The following MAD1L1 variants were observed in gnomAD, a reference collection of about 807,000 sequenced individuals.
MAD1L1 encodes the protein mitotic spindle assembly checkpoint protein MAD1.
A neutral mutation model predicts 96.9 loss-of-function variants in MAD1L1; 95 were observed. That is an observed-to-expected ratio of 0.98 (90% CI 0.83 to 1.16). MAD1L1 has a LOEUF of 1.16. Ranked by LOEUF, MAD1L1 falls within the 50% of genes most tolerant of loss-of-function variation. The pLI is 0.00. For synonymous variants in MAD1L1, 473 were observed against 396.6 expected (o/e 1.19, Z -2.29); for missense variants, 1,007 against 954.4 (o/e 1.06, Z -0.73).
At chr7:2,191,249 C>T (rs983100421) in intron 10 of MAD1L1, among the ~76,000 whole-genome samples, 1 of 152,108 alleles carries the variant, frequency 6.6e-6, no homozygotes, top group South Asian at 2.1e-4. Flanking sequence ...AGGGCAAGTA[C>T]GCTGGGAGCC....
intron 12 of MAD1L1, among the ~76,000 whole-genome samples, chr7:2,067,627 ACCGCAGTGGTCAGCCCGCG>A (rs1784939488): frequency 6.6e-6 from 1 of 151,846 alleles, no homozygotes; most frequent in African/African-American, 2.4e-5. Context: ...AGCCCGAACC[ACCGCAGTGGTCAGCCCGCG>A]TGCTGTGGCC....
intron 13 of MAD1L1, among the ~76,000 whole-genome samples, chr7:2,013,529 C>A (rs747354588): frequency 6.6e-6 from 1 of 152,230 alleles, no homozygotes; most frequent in South Asian, 2.1e-4. Flanking sequence ...GAGCGAAATT[C>A]GGATCACAAC....
chr7:2,163,665 A>G (rs1790275783), intron 10 of MAD1L1, among the ~76,000 whole-genome samples: 1 of 152,122 alleles, frequency 6.6e-6, no homozygotes, highest in Non-Finnish European at 1.5e-5. Flanking sequence ...GAGCCACAGA[A>G]GCACACTTTT....
intron 15 of MAD1L1, among the ~76,000 whole-genome samples, chr7:1,967,759 C>A (rs543141067): frequency 1.3e-5 from 2 of 152,350 alleles, no homozygotes; most frequent in South Asian, 4.1e-4. Flanking sequence ...CAGGGCGCGG[C>A]CGGCCGCGGG....
intron 18 of MAD1L1, among the ~76,000 whole-genome samples, chr7:1,891,158 G>A (rs1562495633): frequency 6.6e-6 from 1 of 152,232 alleles, no homozygotes. Flanking sequence ...TTCTTCCCAG[G>A]AAGGCTGCTA....
At chr7:2,162,499 C>T (rs1034062739) in intron 10 of MAD1L1, among the ~76,000 whole-genome samples, 3 of 151,840 alleles carry the variant, frequency 2.0e-5, no homozygotes, top group Admixed American at 6.6e-5. Context: ...CCTTTGTTCA[C>T]GTGTTTATCT....
chr7:2,076,207 G>C (rs369681061), intron 11 of MAD1L1, among the ~76,000 whole-genome samples: 16 of 152,336 alleles, frequency 1.1e-4, no homozygotes, highest in African/African-American at 3.8e-4. Context: ...CACGTTTTGG[G>C]CAGTGCACAG....
chr7:2,141,997 G>A (rs536987078), intron 11 of MAD1L1, among the ~76,000 whole-genome samples: 132 of 152,336 alleles, frequency 8.7e-4, no homozygotes, highest in Non-Finnish European at 1.4e-3. Context: ...ACAGCCGTGA[G>A]CACAGAATGG....
intron 15 of MAD1L1, among the ~76,000 whole-genome samples, chr7:1,962,385 G>T (rs1458768566): frequency 6.6e-6 from 1 of 152,122 alleles, no homozygotes; most frequent in Admixed American, 6.5e-5. Context: ...CTCAGTCCGG[G>T]TATGTCTTTA....
intron 17 of MAD1L1, among the ~76,000 whole-genome samples, chr7:1,905,588 G>A (rs576868635): frequency 3.3e-5 from 5 of 152,226 alleles, no homozygotes; most frequent in East Asian, 3.9e-4. Flanking sequence ...TCCAGGCAGC[G>A]AGGACGCAGT....
At chr7:2,154,118 T>C (rs1789709258) in intron 10 of MAD1L1, among the ~76,000 whole-genome samples, 1 of 152,098 alleles carries the variant, frequency 6.6e-6, no homozygotes, top group Non-Finnish European at 1.5e-5. Flanking sequence ...ATGACGCCAC[T>C]GCACTCCAGC....
intron 17 of MAD1L1, among the ~76,000 whole-genome samples, chr7:1,902,521 C>T (rs557391199): frequency 1.1e-4 from 16 of 152,320 alleles, no homozygotes; most frequent in South Asian, 2.1e-4. Context: ...ACGGGGCACA[C>T]GCAGATGAGA....
At chr7:2,112,454 G>A (rs916193574) in intron 11 of MAD1L1, among the ~76,000 whole-genome samples, 16 of 152,222 alleles carry the variant, frequency 1.1e-4, no homozygotes, top group African/African-American at 3.9e-4. Flanking sequence ...CACTGGGAAC[G>A]GTAGGCCAAG....
intron 17 of MAD1L1, among the ~76,000 whole-genome samples, chr7:1,906,798 G>C (rs560569184): frequency 4.6e-5 from 7 of 152,224 alleles, no homozygotes; most frequent in African/African-American, 1.7e-4. Flanking sequence ...ACAGACCTGA[G>C]CTCCTGCCCC....
At chr7:2,010,900 T>A (rs10950508) in intron 13 of MAD1L1, among the ~76,000 whole-genome samples, 2 of 152,160 alleles carry the variant, frequency 1.3e-5, no homozygotes, top group African/African-American at 2.4e-5. Context: ...GGAGTGTGAG[T>A]GGGGGACAGA....
chr7:1,989,777 C>T (rs1781324054), intron 14 of MAD1L1, among the ~76,000 whole-genome samples: 1 of 152,242 alleles, frequency 6.6e-6, no homozygotes, highest in Non-Finnish European at 1.5e-5. Flanking sequence ...CGGCATGGCC[C>T]AGCCTCAGTG....
intron 12 of MAD1L1, among the ~76,000 whole-genome samples, chr7:2,021,445 T>C (rs1729529586): frequency 6.6e-6 from 1 of 152,160 alleles, no homozygotes; most frequent in Non-Finnish European, 1.5e-5. Flanking sequence ...TCCAGCAAGA[T>C]GATCTTCTGT....
At chr7:2,040,130 C>G (rs575690524) in intron 12 of MAD1L1, among the ~76,000 whole-genome samples, 1 of 152,302 alleles carries the variant, frequency 6.6e-6, no homozygotes, top group African/African-American at 2.4e-5. Flanking sequence ...ATACTACGAA[C>G]AGCTGCATGC....
intron 10 of MAD1L1, among the ~76,000 whole-genome samples, chr7:2,201,427 A>G (rs1792291613): frequency 6.6e-6 from 1 of 152,110 alleles, no homozygotes; most frequent in Non-Finnish European, 1.5e-5. Context: ...CCTAGCCCAC[A>G]AGGAGGGGAC....
Sources: allele counts gnomAD v4.1 joint callset (sites outside exome capture counted in the v4.1 genomes callset), GRCh38; gene constraint gnomAD v4.1.1; transcripts MANE v1.5; gene names NCBI Gene and HGNC (gene_info 2026-07-23, HGNC 2026-07-21).